The following CDCA4 variants were observed in gnomAD, a reference collection of about 807,000 sequenced individuals.
CDCA4 encodes cell division cycle-associated protein 4.
For synonymous variants in CDCA4, 130 were observed against 137.0 expected (o/e 0.95, Z 0.36); for missense variants, 294 against 322.1 (o/e 0.91, Z 0.67).
intron 1 of CDCA4, among the ~76,000 whole-genome samples, chr14:105,015,157 A>G (rs143116812): frequency 1.4e-3 from 220 of 152,242 alleles, no homozygotes; most frequent in Non-Finnish European, 2.6e-3. Flanking sequence ...GAGTCCTTAG[A>G]AATGCCAGGT....
rs929534439 is a variant in CDCA4 at position 105,011,032 on chromosome 14, G to A, written c.*172C>T. The A allele has an allele frequency of 5.2e-6, 4 of 765,546 alleles. No individual in the cohort carries two copies. The highest frequency in any genetic ancestry group is 8.1e-6 in the Non-Finnish European group (4 of 490,886). 47.4% of individuals were successfully genotyped at this position (765,546 alleles called of 1,614,324 possible). A position where few individuals can be genotyped will look rare whatever the true frequency, so the allele number is the denominator to read the frequency against. ...CTGGCGCTCCACAGGGGGGAGGTGA[G>A]TGGGACGGGCCTAGGGCTGCAGCCC... On this transcript the variant is annotated 3_prime_UTR_variant, in exon 2 of 2. Transcript: ENST00000336219.
rs1345801165 is a variant in CDCA4 at position 105,010,862 on chromosome 14, T to C, written c.*342A>G. ...CTGCCCAAAACATGTAAAACTGAAT[T>C]GTAAAAATTCACCTATCTAAAGGTA... On this transcript the variant is annotated 3_prime_UTR_variant, in exon 2 of 2. Coordinates refer to ENST00000336219, the MANE Select transcript of CDCA4 (RefSeq NM_017955.4). 3.4e-6 allele frequency: 1 copy of C among 290,018 alleles called. No homozygotes were observed. Among genetic ancestry groups the C allele is most frequent in the East Asian group, 6.0e-5 (1 of 16,606 alleles). 18.0% of individuals were successfully genotyped at this position (290,018 alleles called of 1,614,324 possible).
intron 1 of CDCA4, among the ~76,000 whole-genome samples, chr14:105,014,229 A>G (rs1900584834): frequency 6.6e-6 from 1 of 152,160 alleles, no homozygotes; most frequent in Non-Finnish European, 1.5e-5. Flanking sequence ...CTGACTGCAC[A>G]GCGCCGGACA....
At chr14:105,015,335 C>G (rs1900617228) in intron 1 of CDCA4, among the ~76,000 whole-genome samples, 1 of 52,274 alleles carries the variant, frequency 1.9e-5, no homozygotes. Context: ...AGAAATCACC[C>G]TAATAACATC....
At chr14:105,017,190 G>C (rs1408622097) in intron 1 of CDCA4, among the ~76,000 whole-genome samples, 1 of 151,846 alleles carries the variant, frequency 6.6e-6, no homozygotes, top group African/African-American at 2.4e-5. Context: ...GCGGTCCTTG[G>C]CCTAGTTTCA....
intron 1 of CDCA4, 148 bp downstream of exon 1, chr14:105,020,851 C>T (rs1245658086): frequency 6.6e-6 from 1 of 151,912 alleles, no homozygotes; most frequent in African/African-American, 2.4e-5. Context: ...CCGCGGCAGC[C>T]CCAGCGGTGG....
chr14:105,017,125 C>G (rs1051045019), intron 1 of CDCA4, among the ~76,000 whole-genome samples: 1 of 152,116 alleles, frequency 6.6e-6, no homozygotes, highest in Admixed American at 6.5e-5. Context: ...TCTGTCTATT[C>G]AAGGACAGGA....
intron 1 of CDCA4, among the ~76,000 whole-genome samples, chr14:105,018,175 G>C (rs1363171405): frequency 6.7e-6 from 1 of 150,240 alleles, no homozygotes; most frequent in Non-Finnish European, 1.5e-5. Flanking sequence ...GTGTAACCCA[G>C]GGACCTGCAT....
chr14:105,015,596 C>T (rs1030318395), intron 1 of CDCA4, among the ~76,000 whole-genome samples: 1 of 152,182 alleles, frequency 6.6e-6, no homozygotes, highest in Admixed American at 6.5e-5. Flanking sequence ...TAACCGACAA[C>T]CTCTCCAGTT....
chr14:105,020,566 C>T (rs1270595006), intron 1 of CDCA4, among the ~76,000 whole-genome samples: 1 of 152,232 alleles, frequency 6.6e-6, no homozygotes, highest in African/African-American at 2.4e-5. Flanking sequence ...ACATCCGCGG[C>T]CCTCTCCGCG....
chr14:105,019,122 A>T (rs892673818), intron 1 of CDCA4, among the ~76,000 whole-genome samples: 1 of 152,160 alleles, frequency 6.6e-6, no homozygotes. Context: ...GGGACAGCCA[A>T]GCCCTCAGTC....
rs1486619004 is a variant in CDCA4 at position 105,010,606 on chromosome 14, C to T, written c.*598G>A. On this transcript the variant is annotated 3_prime_UTR_variant, in exon 2 of 2. Coordinates refer to ENST00000336219, the MANE Select transcript of CDCA4 (RefSeq NM_017955.4). The stretch of plus-strand genomic sequence containing the variant: ...TAAAGTAAAACATGATACATTCACA[C>T]TGTTGACTGAGACTGTAGTGATGCT... 2 of 152,426 alleles carry T rather than the reference C, an allele frequency of 1.3e-5. No individual in the cohort carries two copies. Among genetic ancestry groups the T allele is most frequent in the African/African-American group, 4.8e-5 (2 of 41,426 alleles). 9.4% of individuals were successfully genotyped at this position (152,426 alleles called of 1,614,324 possible).
Position 105,011,776 on chromosome 14 carries a change from C to A in CDCA4, c.154G>T (p.Val52Leu), listed in dbSNP as rs761669040. The change falls in exon 2 of 2, where the codon GTG becomes TTG. Residue 52 changes from valine (V) to leucine (L), a missense_variant. Coordinates refer to ENST00000336219, the MANE Select transcript of CDCA4 (RefSeq NM_017955.4). ...ACTGAGCGGCACAGGTTGGGCTCCA[C>A]AAGCATGTGGCAAAGCTGCAACTTC... ...LVKLQLCHML[V>L]EPNLCRSVLI... 3.7e-6 allele frequency: 6 copies of A among 1,613,618 alleles called. No homozygotes were observed. The East Asian group carries it at 1.3e-4, about 36-fold the overall frequency.
Position 105,014,159 on chromosome 14 carries a change from C to T in CDCA4, c.-6-2224G>A, listed in dbSNP as rs150370102. 5.5e-3 allele frequency among the ~76,000 whole-genome samples: 840 copies of T among 152,266 alleles called. 11 individuals carry two copies. Among genetic ancestry groups the T allele is most frequent in the African/African-American group, 0.019 (783 of 41,534 alleles). On this transcript the variant is annotated intron_variant, in intron 1 of 1. Transcript: ENST00000336219. ...GGTGGCAGGGCTAGAAAGGAACCTG[C>T]GCAGGGAGATCTTGGGGGTGAGGGC...
At position 105,009,765 on chromosome 14, in the gene CDCA4, C is replaced by T. The variant is rs1177080425; in HGVS notation, c.*1439G>A. On this transcript the variant is annotated 3_prime_UTR_variant, in exon 2 of 2. Coordinates refer to ENST00000336219, the MANE Select transcript of CDCA4 (RefSeq NM_017955.4). Reference sequence around the variant, plus strand: ...CTGAACAATGTAAAAAGAATTTGCTCTGCAACCCTGTGGGGGGGGGAAATA... The same window carrying T: ...CTGAACAATGTAAAAAGAATTTGCTTTGCAACCCTGTGGGGGGGGGAAATA... 2 of 123,028 alleles carry T rather than the reference C, an allele frequency of 1.6e-5. No homozygotes were observed. Among genetic ancestry groups the T allele is most frequent in the Non-Finnish European group, 3.7e-5 (2 of 54,068 alleles). The allele number at this position is 123,028 out of a possible 1,614,324, so 7.6% of individuals were successfully genotyped here. A position where few individuals can be genotyped will look rare whatever the true frequency, so the allele number is the denominator to read the frequency against.
rs879187818 is a variant in CDCA4, at chr14:105,011,195, G to C, written c.*9C>G. The C allele has an allele frequency of 6.3e-7, 1 of 1,598,152 alleles. No homozygotes were observed. The highest frequency in any genetic ancestry group is 8.5e-7 in the Non-Finnish European group (1 of 1,171,748). On this transcript the variant is annotated 3_prime_UTR_variant, in exon 2 of 2. Coordinates refer to ENST00000336219, the MANE Select transcript of CDCA4 (RefSeq NM_017955.4). ...GTCAGAGGCGGCTGTGAGCACTCAG[G>C]GCTCCTGCTCAGGTCTCCACCAGGA...
rs573618920 is a variant in CDCA4 at position 105,011,324 on chromosome 14, G to C, written c.606C>G (p.Ala202=). ...CGAGCCCTTCGCAGGGGCCCGGCCT[G>C]GCACCCCCCATCATGCCTGTCAGTA... The part of the protein sequence containing the change: ...DTVLTGMMGG[A]RPGPCEGLEG... Residue 202 remains alanine, a synonymous_variant, in exon 2 of 2, where the codon GCC becomes GCG. Coordinates refer to ENST00000336219, the MANE Select transcript of CDCA4 (RefSeq NM_017955.4). 1 of 1,614,036 alleles carries C rather than the reference G, an allele frequency of 6.2e-7. No homozygotes were observed. Among genetic ancestry groups the C allele is most frequent in the Non-Finnish European group, 8.5e-7 (1 of 1,180,020 alleles).
At chr14:105,018,850 C>T (rs1431848753) in intron 1 of CDCA4, among the ~76,000 whole-genome samples, 2 of 152,030 alleles carry the variant, frequency 1.3e-5, no homozygotes, top group Non-Finnish European at 2.9e-5. Context: ...GATTCTCCTA[C>T]CTCAGCCTCC....
At chr14:105,020,638 G>A (rs960222859) in intron 1 of CDCA4, among the ~76,000 whole-genome samples, 38 of 152,216 alleles carry the variant, frequency 2.5e-4, no homozygotes, top group Non-Finnish European at 4.1e-4. Context: ...AACTAGAGCC[G>A]AGGTACGGGA....
Sources: gnomAD v4.1 joint callset for allele counts (sites outside exome capture counted in the v4.1 genomes callset) on GRCh38, gnomAD v4.1.1 for gene constraint, MANE v1.5 for transcripts, NCBI Gene and HGNC (gene_info 2026-07-23, HGNC 2026-07-21) for gene names.